Variants in CDH12 observed in about 807,000 individuals in gnomAD.
CDH12 encodes the protein cadherin 12.
In CDH12, 41 loss-of-function variants were observed where a neutral mutation model predicts 74.1. The observed-to-expected ratio is 0.55, with a 90% CI of 0.43 to 0.72. The LOEUF (loss-of-function observed/expected upper bound fraction) is 0.72, where lower values mean the gene tolerates loss of function less well. CDH12 is among the 30% of genes least tolerant of loss of function. The pLI, the probability that CDH12 is intolerant of heterozygous loss-of-function variation, is 0.00. For synonymous variants in CDH12, 399 were observed against 355.0 expected (o/e 1.12, Z -1.39); for missense variants, 945 against 977.2 (o/e 0.97, Z 0.44).
chr5:22,489,931 C>T (rs544383483), intron 2 of CDH12, among the ~76,000 whole-genome samples: 5 of 152,092 alleles, frequency 3.3e-5, no homozygotes, highest in African/African-American at 7.2e-5. Flanking sequence ...GATCCTGCCT[C>T]GGCCTCCCAA....
intron 2 of CDH12, among the ~76,000 whole-genome samples, chr5:22,445,267 T>G (rs1039730525): frequency 3.9e-5 from 6 of 152,014 alleles, no homozygotes; most frequent in African/African-American, 1.4e-4. Flanking sequence ...TCCAAAACTC[T>G]AAGATTCCTA....
intron 1 of CDH12, among the ~76,000 whole-genome samples, chr5:22,804,925 T>G (rs775634950): frequency 6.6e-6 from 1 of 152,334 alleles, no homozygotes; most frequent in Non-Finnish European, 1.5e-5. Flanking sequence ...CTGTGGTTTT[T>G]ATCTTTTCCC....
Position 22,173,610 on chromosome 5 carries a change from CTCTT to C in CDH12, c.-187+38884_-187+38887del, listed in dbSNP as rs552993366. Among the ~76,000 whole-genome samples the C allele has an allele frequency of 7.6e-3, 1,148 of 151,508 alleles. 18 individuals carry two copies. The highest frequency in any genetic ancestry group is 0.026 in the African/African-American group (1,096 of 41,398). On this transcript the variant is annotated intron_variant, in intron 4 of 14. Coordinates refer to ENST00000382254, the MANE Select transcript of CDH12 (RefSeq NM_004061.5). ...CTTCGATTTTTACAACCTTGGTTAA[CTCTT>C]CCTTTCTATGAGATGGTATGATGTA...
chr5:22,055,842 T>G (rs950469337), intron 5 of CDH12, among the ~76,000 whole-genome samples: 2 of 152,092 alleles, frequency 1.3e-5, no homozygotes, highest in Non-Finnish European at 2.9e-5. Context: ...ATATAATAAC[T>G]AAAGGTTGGT....
At chr5:22,802,750 A>T (rs1313424892) in intron 1 of CDH12, among the ~76,000 whole-genome samples, 2 of 152,196 alleles carry the variant, frequency 1.3e-5, no homozygotes, top group African/African-American at 2.4e-5. Context: ...AGTGTAAATG[A>T]CAACCCCAAA....
At chr5:22,254,725 A>AT (rs1195945613) in intron 3 of CDH12, among the ~76,000 whole-genome samples, 2 of 151,766 alleles carry the variant, frequency 1.3e-5, no homozygotes, top group Non-Finnish European at 3.0e-5. Flanking sequence ...AGTACAAGTG[A>AT]TTTTTTTAAT....
At chr5:22,263,913 T>C (rs1753614297) in intron 3 of CDH12, among the ~76,000 whole-genome samples, 1 of 152,024 alleles carries the variant, frequency 6.6e-6, no homozygotes, top group South Asian at 2.1e-4. Flanking sequence ...CATATCAATA[T>C]AATGTGTTCT....
In CDH12 at chr5:22,148,947, C is replaced by T. The variant is rs182054644; in HGVS notation, c.-187+63551G>A. 4.8e-3 allele frequency among the ~76,000 whole-genome samples: 731 copies of T among 152,176 alleles called. 4 individuals carry two copies. The highest frequency in any genetic ancestry group is 0.016 in the African/African-American group (659 of 41,526). On this transcript the variant is annotated intron_variant, in intron 4 of 14. Coordinates refer to ENST00000382254, the MANE Select transcript of CDH12 (RefSeq NM_004061.5). The stretch of plus-strand genomic sequence containing the variant: ...CAAACTGGCCAACATGGTGAAACCC[C>T]GTCTCACTAAAAATACAAAAATTAG...
intron 3 of CDH12, among the ~76,000 whole-genome samples, chr5:22,255,876 A>G (rs1200429443): frequency 6.6e-6 from 1 of 152,062 alleles, no homozygotes; most frequent in Non-Finnish European, 1.5e-5. Context: ...AATGGCTGTT[A>G]TTCATCTTTG....
intron 6 of CDH12, among the ~76,000 whole-genome samples, chr5:21,929,936 T>G (rs182831050): frequency 4.6e-5 from 7 of 152,308 alleles, no homozygotes; most frequent in Admixed American, 1.3e-4. Context: ...CAGCCCAAAA[T>G]GCCCTCTGGA....
At chr5:22,299,684 C>T (rs540753722) in intron 3 of CDH12, among the ~76,000 whole-genome samples, 1 of 152,238 alleles carries the variant, frequency 6.6e-6, no homozygotes, top group African/African-American at 2.4e-5. Context: ...TAACTTTATG[C>T]TCTGGATCAA....
At chr5:22,161,080 C>T (rs1386479744) in intron 4 of CDH12, among the ~76,000 whole-genome samples, 1 of 152,064 alleles carries the variant, frequency 6.6e-6, no homozygotes, top group Non-Finnish European at 1.5e-5. Context: ...AGCTTTCATT[C>T]CATAATTTAA....
intron 3 of CDH12, among the ~76,000 whole-genome samples, chr5:22,247,304 A>G (rs576181260): frequency 1.2e-4 from 3 of 25,054 alleles, no homozygotes; most frequent in African/African-American, 3.5e-4. Context: ...CGTTGCTCCA[A>G]CGTCAATGAA....
rs370060211 is a variant in CDH12, at chr5:22,374,242, T to C, written c.-333+31015A>G. ...TCACCTCAATAGATCTAGAAAAAAA[T>C]GGAAAAAAAATCAATATCCCTTCAT... On this transcript the variant is annotated intron_variant, in intron 3 of 14. Transcript: ENST00000382254. 1.4e-4 allele frequency among the ~76,000 whole-genome samples: 21 copies of C among 151,252 alleles called. No individual in the cohort carries two copies. The East Asian group carries it at 2.9e-3, about 21-fold the overall frequency.
chr5:22,843,233 T>A (rs1737156038), intron 1 of CDH12, among the ~76,000 whole-genome samples: 1 of 152,086 alleles, frequency 6.6e-6, no homozygotes, highest in Non-Finnish European at 1.5e-5. Flanking sequence ...TCTTCCCCAA[T>A]TCTATCTGTG....
intron 5 of CDH12, among the ~76,000 whole-genome samples, chr5:22,032,941 A>G (rs1427430607): frequency 6.6e-6 from 1 of 151,322 alleles, no homozygotes; most frequent in Non-Finnish European, 1.5e-5. Flanking sequence ...AGAGGAGAAC[A>G]GACTGTAAGA....
chr5:22,051,205 C>G (rs1255819928), intron 5 of CDH12, among the ~76,000 whole-genome samples: 1 of 152,104 alleles, frequency 6.6e-6, no homozygotes, highest in East Asian at 1.9e-4. Flanking sequence ...GAATCCCCCT[C>G]TTGCCCCATC....
At chr5:21,886,723 A>C (rs1257271434) in intron 6 of CDH12, among the ~76,000 whole-genome samples, 1 of 151,524 alleles carries the variant, frequency 6.6e-6, no homozygotes, top group African/African-American at 2.4e-5. Context: ...AATAGATATA[A>C]TTTTATTTTA....
chr5:22,613,913 A>G (rs1028905241), intron 1 of CDH12, among the ~76,000 whole-genome samples: 2 of 152,118 alleles, frequency 1.3e-5, no homozygotes, highest in Non-Finnish European at 2.9e-5. Context: ...GATTTATTTT[A>G]TATTTTTCAT....
Sources: allele counts gnomAD v4.1 joint callset (sites outside exome capture counted in the v4.1 genomes callset), GRCh38; gene constraint gnomAD v4.1.1; transcripts MANE v1.5; gene names NCBI Gene and HGNC (gene_info 2026-07-23, HGNC 2026-07-21).